DMPK: variants seen among roughly 807,000 people sequenced by gnomAD.
DMPK encodes the protein myotonin-protein kinase.
In DMPK, 32 loss-of-function variants were observed where a neutral mutation model predicts 70.3. The ratio of observed to expected loss-of-function variants is 0.46; its 90% CI spans 0.34 to 0.61. The LOEUF (loss-of-function observed/expected upper bound fraction) is 0.61. Ranked by LOEUF, DMPK falls within the 20% of genes least tolerant of loss-of-function variation. The pLI, the probability that DMPK is intolerant of heterozygous loss-of-function variation, is 0.01. For synonymous variants in DMPK, 469 were observed against 390.9 expected, an observed-to-expected ratio of 1.20 and a Z score of -2.36; for missense variants, 899 against 886.0, an observed-to-expected ratio of 1.01 and a Z score of -0.19.
In DMPK at chr19:45,777,679, G is replaced by A. The variant is rs1305280345; in HGVS notation, c.870C>T (p.Ile290=). The change falls in exon 7 of 15, where the codon ATC becomes ATT. Residue 290 remains isoleucine (I), a synonymous_variant. Transcript: ENST00000291270. The surrounding 1 kb of genome is among the most constrained non-coding windows in gnomAD (Gnocchi z 6.7). ...ADSTAETYGK[I]VHYKEHLSLP... ...CGGCCGTGCTCACCTTGTAGTGGACGATCTTGCCATAGGTCTCCGCCGTGG... is the reference window on the plus strand; with the variant it reads ...CGGCCGTGCTCACCTTGTAGTGGACAATCTTGCCATAGGTCTCCGCCGTGG... The A allele has an allele frequency of 8.7e-6, 14 of 1,613,892 alleles. No homozygotes were observed. In the East Asian group the frequency reaches 8.9e-5, roughly 10 times the overall value.
Position 45,770,218 on chromosome 19 carries a change from AGC to A in DMPK, c.*268_*269del. The A allele has an allele frequency of 6.0e-5, 8 of 132,954 alleles. 1 individual carries two copies. The highest frequency in any genetic ancestry group is 9.6e-4 in the Admixed American group (2 of 2,082). The allele number at this position is 132,954 out of a possible 1,614,324, so 8.2% of individuals were successfully genotyped here. On this transcript the variant is annotated 3_prime_UTR_variant, in exon 15 of 15. Coordinates refer to ENST00000291270, the MANE Select transcript of DMPK (RefSeq NM_004409.5). ...CTGTGATCCCCCCAGCAGCAGCAGC[AGC>A]AGCAGCAGCAGCAGCAGCAGCAGCA...
At chr19:45,781,024 G>A (rs1555789230) in intron 1 of DMPK, among the ~76,000 whole-genome samples, 1 of 152,192 alleles carries the variant, frequency 6.6e-6, no homozygotes, top group Non-Finnish European at 1.5e-5. Flanking sequence ...GGGGCTGTGG[G>A]AGGTTGGGAG....
At chr19:45,771,116 G>T (rs1969400744) in intron 13 of DMPK, 56 bp from the exon 14 acceptor site, 11 of 1,387,870 alleles carry the variant, frequency 7.9e-6, no homozygotes, top group Non-Finnish European at 9.8e-6. Flanking sequence ...CCTCAGCGGT[G>T]GGGCGAGAGA....
At chr19:45,772,128 C>T (rs978470727) in intron 10 of DMPK, among the ~76,000 whole-genome samples, 200 bp from the exon 11 acceptor site, 1 of 151,820 alleles carries the variant, frequency 6.6e-6, no homozygotes, top group African/African-American at 2.4e-5. Flanking sequence ...GTCTGGTCCT[C>T]TAAATCTACA....
In DMPK at chr19:45,770,119, G is replaced by A. The variant is rs978906540; in HGVS notation, c.*369C>T. Reference sequence around the variant, plus strand: ...TGGAGGATGGAACACGGACGGCCCGGCTTGCTGCCTTCCCAGGCCTGCAGT... The same window carrying A: ...TGGAGGATGGAACACGGACGGCCCGACTTGCTGCCTTCCCAGGCCTGCAGT... On this transcript the variant is annotated 3_prime_UTR_variant, in exon 15 of 15. Coordinates refer to ENST00000291270, the MANE Select transcript of DMPK (RefSeq NM_004409.5). The A allele has an allele frequency of 6.2e-5, 39 of 629,714 alleles. 5 individuals are homozygous for A. The highest frequency in any genetic ancestry group is 1.0e-4 in the Non-Finnish European group (36 of 358,094). The allele number at this position is 629,714 out of a possible 1,614,324, so 39.0% of individuals were successfully genotyped here.
intron 9 of DMPK, among the ~76,000 whole-genome samples, chr19:45,774,464 G>A (rs905689760): frequency 9.2e-5 from 14 of 151,558 alleles, no homozygotes; most frequent in Non-Finnish European, 1.5e-4. Context: ...GGGTTTCACC[G>A]TGTTAGCCAG....
intron 4 of DMPK, 103 bp downstream of exon 4, chr19:45,779,161 C>T: frequency 6.6e-6 from 8 of 1,209,958 alleles, no homozygotes; most frequent in South Asian, 6.1e-5. Context: ...ACAGACGTTT[C>T]CGGGCAGCAC....
intron 1 of DMPK, chr19:45,780,121 G>A (rs1970036984): frequency 1.4e-6 from 2 of 1,455,838 alleles, no homozygotes; most frequent in Non-Finnish European, 1.8e-6. Flanking sequence ...GGCTCCAAGG[G>A]TGTGCAGGAT....
chr19:45,779,713 C>A, intron 2 of DMPK, 65 bp downstream of exon 2: 1 of 1,531,136 alleles, frequency 6.5e-7, no homozygotes, highest in Non-Finnish European at 8.8e-7. Context: ...TTTCTAAGGC[C>A]CCGCCCCAAC....
intron 1 of DMPK, chr19:45,780,175 A>G: frequency 1.4e-6 from 2 of 1,440,374 alleles, no homozygotes; most frequent in African/African-American, 1.4e-5. Context: ...CAGACCCTAA[A>G]GAACAAGGGG....
chr19:45,780,697 G>C, intron 1 of DMPK: 2 of 790,364 alleles, frequency 2.5e-6, no homozygotes, highest in Non-Finnish European at 3.1e-6. Flanking sequence ...GGGGAGGGAA[G>C]GAGAGGAGAC....
intron 11 of DMPK, 32 bp from the exon 12 acceptor site, chr19:45,771,697 G>C (rs779008833): frequency 3.7e-6 from 6 of 1,612,598 alleles, no homozygotes; most frequent in African/African-American, 1.3e-5. Context: ...GAGTCCGTCC[G>C]GGCCGGACGA....
rs753341366 is a variant in DMPK, at chr19:45,770,542, G to A, written c.1836C>T (p.His612=). The A allele has an allele frequency of 2.4e-5, 37 of 1,550,836 alleles. No individual in the cohort carries two copies. The highest frequency in any genetic ancestry group is 9.8e-5 in the East Asian group (4 of 40,914). Residue 612 remains histidine (H), a synonymous_variant, in exon 15 of 15, where the codon CAC becomes CAT. Coordinates refer to ENST00000291270, the MANE Select transcript of DMPK (RefSeq NM_004409.5). ...GCCAGACTGCGGTGAGTTGGCCGGCGTGGGCCACCAACCCAATGCAGCCCA... is the reference window on the plus strand; with the variant it reads ...GCCAGACTGCGGTGAGTTGGCCGGCATGGGCCACCAACCCAATGCAGCCCA... ...AALGCIGLVA[H]AGQLTAVWRR... is the part of the protein sequence containing the mutation.
chr19:45,774,915 G>A (rs371908326), intron 9 of DMPK, 34 bp downstream of exon 9: 65 of 1,560,330 alleles, frequency 4.2e-5, no homozygotes, highest in Non-Finnish European at 4.9e-5. Context: ...AAGCAGCCTC[G>A]TGGCCCCTGG....
intron 13 of DMPK, 128 bp from the exon 14 acceptor site, chr19:45,771,188 G>A (rs1427870858): frequency 8.4e-7 from 1 of 1,184,674 alleles, no homozygotes; most frequent in Non-Finnish European, 1.2e-6. Context: ...ATCTGGTGAG[G>A]CCTGAACGGA....
rs1279260433 is a variant in DMPK, at chr19:45,771,767, C to T, written c.1502+4G>A. The T allele has an allele frequency of 6.3e-7, 1 of 1,577,974 alleles. No individual in the cohort carries two copies. The highest frequency in any genetic ancestry group is 8.6e-7 in the Non-Finnish European group (1 of 1,161,520). ...CCGGCCCCGGCCCCGGCCCCGATCC[C>T]GACCTGGCGAAGTTCTGGTTGTCCG... is the stretch of plus-strand genomic sequence containing the variant. On this transcript the variant is annotated splice_donor_region_variant and intron_variant, in intron 11 of 14. Coordinates refer to ENST00000291270, the MANE Select transcript of DMPK (RefSeq NM_004409.5).
In DMPK at chr19:45,770,575, G is replaced by A. The variant is rs750795279; in HGVS notation, c.1803C>T (p.Ala601=). The part of the protein sequence containing the change: ...LLLFAVVLSR[A]AALGCIGLVA... ...CCAACCCAATGCAGCCCAGGGCGGC[G>A]GCACGAGACAGAACAACGGCGAACA... The change falls in exon 15 of 15, where the codon GCC becomes GCT. Residue 601 remains alanine (A), a synonymous_variant. Coordinates refer to ENST00000291270, the MANE Select transcript of DMPK (RefSeq NM_004409.5). The A allele has an allele frequency of 5.2e-6, 8 of 1,551,900 alleles. No individual in the cohort carries two copies. The highest frequency in any genetic ancestry group is 6.1e-6 in the Non-Finnish European group (7 of 1,147,588).
chr19:45,774,962 A>G lies in DMPK; in HGVS notation c.1219T>C (p.Cys407Arg), dbSNP rs1387808225. ...GGCAGTGCTTACCTGAGGGCCATGCAGGAGTAGGAGTAGCCCACAAAAGGC... is the reference window on the plus strand; with the variant it reads ...GGCAGTGCTTACCTGAGGGCCATGCGGGAGTAGGAGTAGCCCACAAAAGGC... ...HLPFVGYSYS[C>R]MALRDSEVPG... Residue 407 changes from cysteine to arginine, a missense_variant, in exon 9 of 15, where the codon TGC (cysteine) becomes CGC (arginine). Cys to Arg is a radical substitution (Grantham distance 180). Transcript: ENST00000291270. 3.1e-6 allele frequency: 5 copies of G among 1,613,744 alleles called. No homozygotes were observed. In the African/African-American group the frequency reaches 5.3e-5, roughly 17 times the overall value.
Position 45,778,556 on chromosome 19 carries a change from C to T in DMPK, c.518G>A (p.Arg173His), listed in dbSNP as rs999937039. 3.7e-6 allele frequency: 6 copies of T among 1,613,870 alleles called. No homozygotes were observed. Among genetic ancestry groups the T allele is most frequent in the African/African-American group, 2.7e-5 (2 of 74,940 alleles). Residue 173 changes from arginine to histidine, a missense_variant, in exon 5 of 15, where the codon CGC becomes CAC. Around this residue, in one of 3 missense-constraint regions of DMPK, gnomAD observed 195 missense variants for 259.7 expected, o/e 0.75. Coordinates refer to ENST00000291270, the MANE Select transcript of DMPK (RefSeq NM_004409.5). ...FGERIPAEMA[R>H]FYLAEIVMAI... ...CATGACAATCTCCGCCAGGTAGAAG[C>T]GCGCCATCTCGGCCGGAATCCGCTC...
Sources: allele counts gnomAD v4.1 joint callset (sites outside exome capture counted in the v4.1 genomes callset), GRCh38; gene constraint gnomAD v4.1.1; regional missense constraint gnomAD v4.1.1; non-coding constraint Gnocchi (gnomAD v3.1); transcripts MANE v1.5; gene names NCBI Gene and HGNC (gene_info 2026-07-23, HGNC 2026-07-21).